The following INPP4B variants were observed in gnomAD, a reference collection of about 807,000 sequenced individuals.
INPP4B encodes inositol polyphosphate 4-phosphatase type II.
INPP4B carries 55 observed loss-of-function variants against 122.5 expected under a neutral mutation model. The ratio of observed to expected loss-of-function variants is 0.45; its 90% confidence interval spans 0.36 to 0.56. The LOEUF (loss-of-function observed/expected upper bound fraction) is 0.56. INPP4B is among the 20% of genes least tolerant of loss of function. The pLI, the probability that INPP4B is intolerant of heterozygous loss-of-function variation, is 0.00. For synonymous variants in INPP4B, 403 were observed against 388.7 expected (o/e 1.04, Z -0.43); for missense variants, 1,000 against 1,097.7 (o/e 0.91, Z 1.26).
intron 2 of INPP4B, among the ~76,000 whole-genome samples, chr4:142,522,188 TA>T (rs1826173274): frequency 6.6e-6 from 1 of 152,148 alleles, no homozygotes; most frequent in African/African-American, 2.4e-5. Context: ...TTTTTATGTT[TA>T]TCAATTTTTA....
At chr4:142,129,843 C>T (rs531568010) in intron 18 of INPP4B, among the ~76,000 whole-genome samples, 4 of 152,106 alleles carry the variant, frequency 2.6e-5, no homozygotes, top group Non-Finnish European at 5.9e-5. Flanking sequence ...TTGCTCCCCC[C>T]CTCCTTTTTC....
intron 2 of INPP4B, among the ~76,000 whole-genome samples, chr4:142,684,507 C>T (rs559905800): frequency 9.3e-4 from 142 of 152,058 alleles, no homozygotes; most frequent in African/African-American, 3.2e-3. Context: ...CCCCCATACC[C>T]ACTCCCTCCT....
At chr4:142,067,144 C>A (rs1763981324) in intron 25 of INPP4B, among the ~76,000 whole-genome samples, 1 of 152,204 alleles carries the variant, frequency 6.6e-6, no homozygotes, top group Non-Finnish European at 1.5e-5. Context: ...AAGGATCAGG[C>A]AACAACATTT....
At chr4:142,289,897 T>A (rs1397753302) in intron 9 of INPP4B, among the ~76,000 whole-genome samples, 1 of 152,156 alleles carries the variant, frequency 6.6e-6, no homozygotes, top group Non-Finnish European at 1.5e-5. Context: ...GTCACAATGT[T>A]CTACCTGTCC....
At chr4:142,563,803 C>T (rs1730978657) in intron 2 of INPP4B, among the ~76,000 whole-genome samples, 1 of 152,148 alleles carries the variant, frequency 6.6e-6, no homozygotes, top group Non-Finnish European at 1.5e-5. Flanking sequence ...TCCATTTGCA[C>T]AAGCCCAAGT....
chr4:142,283,201 T>C (rs1483808415), intron 9 of INPP4B, among the ~76,000 whole-genome samples: 1 of 152,068 alleles, frequency 6.6e-6, no homozygotes, highest in Non-Finnish European at 1.5e-5. Context: ...AGAGACTACA[T>C]GGATTTTTCC....
chr4:142,069,502 T>C (rs1272257088), intron 25 of INPP4B, among the ~76,000 whole-genome samples: 3 of 151,494 alleles, frequency 2.0e-5, no homozygotes, highest in Non-Finnish European at 4.4e-5. Flanking sequence ...CTGAAGGAGA[T>C]ACAGACACAA....
intron 6 of INPP4B, among the ~76,000 whole-genome samples, chr4:142,403,351 T>C (rs953014195): frequency 6.6e-5 from 10 of 152,240 alleles, no homozygotes; most frequent in African/African-American, 1.7e-4. Flanking sequence ...TAATTTAAAA[T>C]ACACTTAATA....
Position 142,026,969 on chromosome 4 carries a change from C to CTCT in INPP4B, c.*1812_*1813insAGA, listed in dbSNP as rs1737200350. On this transcript the variant is annotated 3_prime_UTR_variant, in exon 26 of 26. Coordinates refer to ENST00000262992, the MANE Select transcript of INPP4B (RefSeq NM_001101669.3). ...TTCAAGGAGGCCTCTGTCATCCCAG[C>CTCT]CTATCTTAAATCTAATAGGGTAATG... The CTCT allele has an allele frequency of 6.6e-6, 1 of 151,880 alleles. No homozygotes were observed. Among genetic ancestry groups the CTCT allele is most frequent in the Admixed American group, 6.6e-5 (1 of 15,238 alleles). 9.4% of individuals were successfully genotyped at this position (151,880 alleles called of 1,614,324 possible). A position where few individuals can be genotyped will look rare whatever the true frequency, so the allele number is the denominator to read the frequency against.
chr4:142,617,248 C>T (rs1015887640), intron 2 of INPP4B, among the ~76,000 whole-genome samples: 15 of 152,124 alleles, frequency 9.9e-5, no homozygotes, highest in African/African-American at 3.6e-4. Context: ...TGCCTACAGC[C>T]GCACTATTTC....
At chr4:142,655,817 T>C (rs1393101664) in intron 2 of INPP4B, among the ~76,000 whole-genome samples, 2 of 152,254 alleles carry the variant, frequency 1.3e-5, no homozygotes, top group African/African-American at 2.4e-5. Flanking sequence ...ATTTATTTTC[T>C]ATTTTTACTT....
chr4:142,248,520 G>A (rs1157848024), intron 11 of INPP4B, among the ~76,000 whole-genome samples: 1 of 151,752 alleles, frequency 6.6e-6, no homozygotes, highest in Non-Finnish European at 1.5e-5. Context: ...TGTATTTTTA[G>A]TAGAGACGGG....
At chr4:142,256,884 TG>T (rs1736463815) in intron 11 of INPP4B, among the ~76,000 whole-genome samples, 2 of 151,924 alleles carry the variant, frequency 1.3e-5, no homozygotes, top group Non-Finnish European at 2.9e-5. Context: ...ATACCAAAGC[TG>T]GGCAGAGACA....
At chr4:142,720,799 C>CTATATA (rs1330449318) in intron 2 of INPP4B, among the ~76,000 whole-genome samples, 25 of 26,306 alleles carry the variant, frequency 9.5e-4, no homozygotes, top group Non-Finnish European at 8.5e-4. Context: ...CTCTCTCTCT[C>CTATATA]TCTCTCTCTC....
At chr4:142,028,999 C>T in intron 25 of INPP4B, 85 bp from the exon 26 acceptor site, 1 of 1,487,666 alleles carries the variant, frequency 6.7e-7, no homozygotes, top group Non-Finnish European at 8.9e-7. Context: ...TTGCAGCAAC[C>T]ATCCAAGTAA....
chr4:142,808,172 T>C (rs796385886), intron 1 of INPP4B, among the ~76,000 whole-genome samples: 7 of 152,250 alleles, frequency 4.6e-5, no homozygotes, highest in African/African-American at 1.7e-4. Flanking sequence ...AACTAGATTC[T>C]TTCTTGAGGG....
At chr4:142,703,097 G>C (rs1762024783) in intron 2 of INPP4B, among the ~76,000 whole-genome samples, 1 of 152,098 alleles carries the variant, frequency 6.6e-6, no homozygotes, top group African/African-American at 2.4e-5. Flanking sequence ...ATGATTAAAA[G>C]GAAGAGATTG....
At chr4:142,402,648 C>A (rs1802011794) in intron 7 of INPP4B, among the ~76,000 whole-genome samples, 1 of 152,078 alleles carries the variant, frequency 6.6e-6, no homozygotes, top group African/African-American at 2.4e-5. Flanking sequence ...TTGCTTTCTA[C>A]CCACAATATT....
chr4:142,790,755 C>A (rs949711650), intron 1 of INPP4B, among the ~76,000 whole-genome samples: 1 of 151,938 alleles, frequency 6.6e-6, no homozygotes, highest in Non-Finnish European at 1.5e-5. Context: ...CTATATGATG[C>A]AGAAAAGAAT....
Sources: gnomAD v4.1 joint callset for allele counts (sites outside exome capture counted in the v4.1 genomes callset) on GRCh38, gnomAD v4.1.1 for gene constraint, MANE v1.5 for transcripts, NCBI Gene and HGNC (gene_info 2026-07-23, HGNC 2026-07-21) for gene names.